MED13: variants seen among roughly 807,000 people sequenced by gnomAD.
MED13 encodes the protein mediator complex subunit 13, also known as mediator of RNA polymerase II transcription subunit 13.
A neutral mutation model predicts 225.2 loss-of-function variants in MED13; 23 were observed. The ratio of observed to expected loss-of-function variants is 0.10; its 90% CI spans 0.07 to 0.14. The LOEUF (loss-of-function observed/expected upper bound fraction) is 0.14, where lower values mean the gene tolerates loss of function less well. Ranked by LOEUF, MED13 falls within the 10% of genes least tolerant of loss-of-function variation. The pLI is 1.00. For missense variants in MED13, 2,197 were observed against 2,594.5 expected (o/e 0.85, Z 3.33); for synonymous variants, 942 against 889.2 (o/e 1.06, Z -1.06).
intron 8 of MED13, among the ~76,000 whole-genome samples, chr17:62,016,897 C>G (rs1279159979): frequency 6.6e-6 from 1 of 151,984 alleles, no homozygotes; most frequent in Non-Finnish European, 1.5e-5. Flanking sequence ...GTAATCCCAA[C>G]TACTCAGGAG....
intron 17 of MED13, among the ~76,000 whole-genome samples, chr17:61,971,011 C>T (rs902420154): frequency 6.6e-6 from 1 of 151,314 alleles, no homozygotes; most frequent in Non-Finnish European, 1.5e-5. Context: ...GGTGACAGAA[C>T]AAATCTCAAA....
chr17:61,960,633 GAAGT>G (rs1014926692), intron 23 of MED13, among the ~76,000 whole-genome samples: 20 of 151,966 alleles, frequency 1.3e-4, no homozygotes, highest in African/African-American at 4.8e-4. Flanking sequence ...TTATGACACA[GAAGT>G]TAGTGACCTT....
At chr17:62,053,778 A>T (rs1330892442) in intron 2 of MED13, among the ~76,000 whole-genome samples, 1 of 152,216 alleles carries the variant, frequency 6.6e-6, no homozygotes, top group Non-Finnish European at 1.5e-5. Flanking sequence ...AGAAAAACAG[A>T]CACAATATGA....
intron 8 of MED13, among the ~76,000 whole-genome samples, chr17:62,015,838 C>CAT (rs2080559998): frequency 8.3e-6 from 1 of 120,414 alleles, no homozygotes; most frequent in Non-Finnish European, 1.7e-5. Context: ...TATATATACA[C>CAT]ACACACTATA....
At chr17:61,976,354 A>G (rs1007918038) in intron 16 of MED13, among the ~76,000 whole-genome samples, 1 of 152,234 alleles carries the variant, frequency 6.6e-6, no homozygotes, top group African/African-American at 2.4e-5. Context: ...AAAAGCGGCA[A>G]ATCTAGAGAG....
rs188215810 is a variant in MED13 at position 61,948,203 on chromosome 17, A to G, written c.6292-1186T>C. On this transcript the variant is annotated intron_variant, in intron 28 of 29. Transcript: ENST00000397786. The stretch of plus-strand genomic sequence containing the variant: ...TTTACTGCCTACAGTATAAAACTAA[A>G]ATAAGATATATGAAAAAAAAAAGTG... 8.5e-5 allele frequency among the ~76,000 whole-genome samples: 13 copies of G among 152,356 alleles called. No individual in the cohort carries two copies. The East Asian group carries it at 2.5e-3, about 29-fold the overall frequency.
intron 22 of MED13, 113 bp from the exon 23 acceptor site, chr17:61,961,203 A>G: frequency 5.0e-6 from 5 of 992,000 alleles, no homozygotes; most frequent in Non-Finnish European, 7.3e-6. Flanking sequence ...ATGACAGCTA[A>G]GCCAAAAATT....
At chr17:61,951,885 C>A (rs893495157) in intron 27 of MED13, among the ~76,000 whole-genome samples, 22 of 151,970 alleles carry the variant, frequency 1.4e-4, no homozygotes, top group Admixed American at 6.6e-5. Flanking sequence ...AATCAAATCA[C>A]CAGTATATAT....
At chr17:61,968,717 T>C (rs1273860569) in intron 17 of MED13, among the ~76,000 whole-genome samples, 1 of 152,210 alleles carries the variant, frequency 6.6e-6, no homozygotes, top group African/African-American at 2.4e-5. Flanking sequence ...TGGTCAAGAC[T>C]TTTCAACATT....
chr17:62,029,472 T>A, intron 8 of MED13, 69 bp downstream of exon 8: 1 of 1,143,132 alleles, frequency 8.7e-7, no homozygotes, highest in Non-Finnish European at 1.3e-6. Context: ...TCAAATAAAG[T>A]GGGCATAAGC....
rs368817387 is a variant in MED13, at chr17:61,965,117, G to A, written c.4733C>T (p.Thr1578Ile). Residue 1578 changes from threonine to isoleucine, a missense_variant, in exon 20 of 30, where the codon ACA becomes ATA. Around this residue, in one of 12 missense-constraint regions of MED13, gnomAD observed 457 missense variants for 442.2 expected, o/e 1.03. Coordinates refer to ENST00000397786, the MANE Select transcript of MED13 (RefSeq NM_005121.3). ...AAGSMSTQAN[T>I]VQSGQLGGQQ... is the part of the protein sequence containing the mutation. ...CCCTCCTAGCTGACCACTCTGAACT[G>A]TATTTGCTTGTGTAGACATGGATCC... The A allele has an allele frequency of 7.4e-6, 12 of 1,614,076 alleles. No homozygotes were observed. In the African/African-American group the frequency reaches 1.6e-4, roughly 22 times the overall value.
intron 23 of MED13, among the ~76,000 whole-genome samples, chr17:61,959,969 G>A (rs953313165): frequency 4.0e-5 from 6 of 151,866 alleles, no homozygotes; most frequent in African/African-American, 7.3e-5. Flanking sequence ...CAAGTGATCC[G>A]CCTTGTCTCA....
chr17:62,027,945 T>TTTA (rs2080718471), intron 8 of MED13, among the ~76,000 whole-genome samples: 1 of 152,104 alleles, frequency 6.6e-6, no homozygotes. Context: ...GAAGGAAACA[T>TTTA]TTATACACTG....
intron 12 of MED13, among the ~76,000 whole-genome samples, chr17:61,985,361 G>A (rs1238044462): frequency 6.6e-6 from 1 of 152,072 alleles, no homozygotes; most frequent in East Asian, 1.9e-4. Flanking sequence ...CAGAAGTAAG[G>A]TTAACCTTAA....
chr17:62,019,698 T>C (rs1393367248), intron 8 of MED13, among the ~76,000 whole-genome samples: 1 of 152,188 alleles, frequency 6.6e-6, no homozygotes, highest in Non-Finnish European at 1.5e-5. Context: ...TACAGACCTC[T>C]TTCTAAAAGC....
In MED13 at chr17:62,035,337, G is replaced by C. The variant is rs1304228253; in HGVS notation, c.616+126C>G. ...TGTAATGGGGAAGGAAAAAGTAAAT[G>C]ACATCAAAATCATCATTAGGCTAAA... On this transcript the variant is annotated intron_variant, in intron 4 of 29. Transcript: ENST00000397786. The C allele has an allele frequency of 3.5e-6, 3 of 858,042 alleles. No homozygotes were observed. In the Admixed American group the frequency reaches 9.5e-5, roughly 27 times the overall value. The allele number at this position is 858,042 out of a possible 1,614,324, so 53.2% of individuals were successfully genotyped here. A position where few individuals can be genotyped will look rare whatever the true frequency, so the allele number is the denominator to read the frequency against.
intron 17 of MED13, among the ~76,000 whole-genome samples, chr17:61,970,726 G>GTTTTTTTTTT (rs10685140): frequency 9.1e-6 from 1 of 109,542 alleles, no homozygotes; most frequent in African/African-American, 3.5e-5. Context: ...AGTTATTTAG[G>GTTTTTTTTTT]TTTTTTTTTT....
chr17:61,972,810 T>G lies in MED13; in HGVS notation c.3884A>C (p.Lys1295Thr), dbSNP rs183827549. Reference sequence around the variant, plus strand: ...ACCCCAAGGTCTTACTGTTCTTTTTTTCTGAATGGCATCCTGAAGAACTGG... The same window carrying G: ...ACCCCAAGGTCTTACTGTTCTTTTTGTCTGAATGGCATCCTGAAGAACTGG... The part of the protein sequence containing the change: ...LQPVLQDAIQ[K>T]KRTVRPWGVQ... The change falls in exon 17 of 30, where the codon AAA becomes ACA. Residue 1295 changes from lysine to threonine, a missense_variant. Lys to Thr is a moderately conservative substitution (Grantham distance 78, BLOSUM62 -1). This residue lies in a region of MED13 where 203 missense variants were observed against 209.7 expected (regional missense o/e 0.97). Coordinates refer to ENST00000397786, the MANE Select transcript of MED13 (RefSeq NM_005121.3). The G allele has an allele frequency of 6.2e-7, 1 of 1,614,076 alleles. No individual in the cohort carries two copies. Among genetic ancestry groups the G allele is most frequent in the African/African-American group, 1.3e-5 (1 of 75,054 alleles).
chr17:61,956,229 T>G (rs907092370), intron 24 of MED13, 110 bp downstream of exon 24: 7 of 1,094,076 alleles, frequency 6.4e-6, no homozygotes, highest in Non-Finnish European at 8.9e-6. Context: ...TGTGGTTCCT[T>G]ATTTGATAAC....
Sources: gnomAD v4.1 joint callset for allele counts (sites outside exome capture counted in the v4.1 genomes callset) on GRCh38, gnomAD v4.1.1 for gene constraint, gnomAD v4.1.1 regional missense constraint, MANE v1.5 for transcripts, NCBI Gene and HGNC (gene_info 2026-07-23, HGNC 2026-07-21) for gene names.